NXPE2: variants seen among roughly 807,000 people sequenced by gnomAD.
NXPE2 encodes the protein NXPE family member 2.
In NXPE2, 34 loss-of-function variants were observed where a neutral mutation model predicts 34.4. The ratio of observed to expected loss-of-function variants is 0.99; its 90% CI spans 0.75 to 1.31. NXPE2 has a LOEUF of 1.31. NXPE2 is among the 40% of genes most tolerant of loss of function. NXPE2 has a pLI of 0.00. For synonymous variants in NXPE2, 235 were observed against 231.3 expected (o/e 1.02, Z -0.15); for missense variants, 649 against 672.5 (o/e 0.97, Z 0.39).
In NXPE2 at chr11:114,694,026, T is replaced by G. The variant is rs374290111; in HGVS notation, c.133-4019T>G. 2.2e-4 allele frequency among the ~76,000 whole-genome samples: 33 copies of G among 152,334 alleles called. 1 individual carries two copies. In the East Asian group the frequency reaches 2.7e-3, roughly 12 times the overall value. The stretch of plus-strand genomic sequence containing the variant: ...GAGGAGAATATGTTCCCTGGCCTTT[T>G]GAAGAGAGACTCTGTTTTCCTTGGC... On this transcript the variant is annotated intron_variant, in intron 2 of 5. Transcript: ENST00000389586.
intron 5 of NXPE2, 142 bp from the exon 6 acceptor site, chr11:114,706,253 A>C: frequency 1.6e-6 from 1 of 627,234 alleles, no homozygotes; most frequent in Non-Finnish European, 2.5e-6. Context: ...ATTGTAATGC[A>C]CCTGGTAAAA....
chr11:114,613,419 G>A, the NXPE2 span, among the ~76,000 whole-genome samples: 2,856 of 151,746 alleles, frequency 0.019, 87 homozygotes, highest in African/African-American at 0.065. Flanking sequence ...CTGTTACCTG[G>A]TGGATAATAA....
chr11:114,755,037 T>C, the NXPE2 span, among the ~76,000 whole-genome samples: 2 of 152,198 alleles, frequency 1.3e-5, no homozygotes, highest in Non-Finnish European at 2.9e-5. Flanking sequence ...GTGGAGGTCA[T>C]TGATGTTTCA....
downstream of NXPE2, among the ~76,000 whole-genome samples, chr11:114,710,561 A>G (rs1246046561): frequency 6.6e-6 from 1 of 152,176 alleles, no homozygotes; most frequent in East Asian, 1.9e-4. Flanking sequence ...AAGAAATTTG[A>G]ACAGACCTAT....
chr11:114,779,979 A>G, the NXPE2 span, among the ~76,000 whole-genome samples: 7 of 152,098 alleles, frequency 4.6e-5, no homozygotes, highest in Non-Finnish European at 1.0e-4. Flanking sequence ...TTATCTGTGA[A>G]TCTCACCGCG....
At chr11:114,724,582 A>G in the NXPE2 span, among the ~76,000 whole-genome samples, 8 of 152,078 alleles carry the variant, frequency 5.3e-5, no homozygotes, top group Non-Finnish European at 1.5e-5. Flanking sequence ...CTAAGTGAAG[A>G]TAGTTTTTGC....
At chr11:114,786,355 A>G in the NXPE2 span, among the ~76,000 whole-genome samples, 19 of 127,220 alleles carry the variant, frequency 1.5e-4, no homozygotes, top group Admixed American at 4.2e-4. Flanking sequence ...AGATCTTTCT[A>G]CCCCCGCCCC....
the NXPE2 span, among the ~76,000 whole-genome samples, chr11:114,567,025 G>T: frequency 6.6e-6 from 1 of 152,160 alleles, no homozygotes; most frequent in Admixed American, 6.6e-5. Flanking sequence ...GGCTTGGGAG[G>T]GGCATTGCAG....
At chr11:114,811,530 T>C in the NXPE2 span, among the ~76,000 whole-genome samples, 1 of 152,062 alleles carries the variant, frequency 6.6e-6, no homozygotes, top group Admixed American at 6.6e-5. Flanking sequence ...AATCCAAGCA[T>C]GCAAAATAGA....
At chr11:114,813,536 T>C in the NXPE2 span, among the ~76,000 whole-genome samples, 19 of 152,194 alleles carry the variant, frequency 1.2e-4, no homozygotes, top group African/African-American at 4.3e-4. Context: ...TGCATGTTCA[T>C]TTATGTGCAT....
the NXPE2 span, among the ~76,000 whole-genome samples, chr11:114,629,713 A>G: frequency 6.6e-6 from 1 of 151,916 alleles, no homozygotes; most frequent in Non-Finnish European, 1.5e-5. Flanking sequence ...TTCAATTAGG[A>G]AAAGAGGAAG....
chr11:114,465,706 A>T, the NXPE2 span, among the ~76,000 whole-genome samples: 2 of 151,986 alleles, frequency 1.3e-5, no homozygotes, highest in Non-Finnish European at 2.9e-5. Context: ...ATACAATAAC[A>T]TAGTCCCAGC....
the NXPE2 span, among the ~76,000 whole-genome samples, chr11:114,597,281 C>G: frequency 6.6e-6 from 1 of 152,094 alleles, no homozygotes; most frequent in Non-Finnish European, 1.5e-5. Flanking sequence ...AGAAGTGGAA[C>G]ATAGCAAACT....
chr11:114,704,057 G>A lies in NXPE2; in HGVS notation c.928+5G>A. The A allele has an allele frequency of 1.3e-6, 2 of 1,546,318 alleles. No homozygotes were observed. Among genetic ancestry groups the A allele is most frequent in the Non-Finnish European group, 1.8e-6 (2 of 1,141,720 alleles). ...TTGAGGTCATACCATGCAACAGTAA[G>A]TCTGGAGTGTTGTTGTCTGCCATGA... On this transcript the variant is annotated splice_donor_5th_base_variant and intron_variant, in intron 4 of 5. Coordinates refer to ENST00000389586, the MANE Select transcript of NXPE2 (RefSeq NM_182495.6).
chr11:114,493,647 GTTT>G, the NXPE2 span, among the ~76,000 whole-genome samples: 1 of 151,652 alleles, frequency 6.6e-6, no homozygotes, highest in Non-Finnish European at 1.5e-5. Context: ...TTAACTTTTT[GTTT>G]TTATTTATAC....
the NXPE2 span, among the ~76,000 whole-genome samples, chr11:114,783,832 C>A: frequency 6.6e-6 from 1 of 152,102 alleles, no homozygotes; most frequent in Non-Finnish European, 1.5e-5. Flanking sequence ...GTTGCTCAAC[C>A]AAGTGATTCT....
chr11:114,780,868 A>T, the NXPE2 span, among the ~76,000 whole-genome samples: 1 of 152,172 alleles, frequency 6.6e-6, no homozygotes, highest in Non-Finnish European at 1.5e-5. Context: ...TGGGTACTTT[A>T]GGAAGGTATT....
chr11:114,759,239 G>A, the NXPE2 span, among the ~76,000 whole-genome samples: 1 of 152,126 alleles, frequency 6.6e-6, no homozygotes, highest in South Asian at 2.1e-4. Flanking sequence ...GGAGGTCCTC[G>A]GAGCCTCCTT....
chr11:114,605,396 T>G, the NXPE2 span, among the ~76,000 whole-genome samples: 1 of 151,936 alleles, frequency 6.6e-6, no homozygotes, highest in Non-Finnish European at 1.5e-5. Context: ...GGGTAACCAC[T>G]GTTACCTGGT....
Sources: allele counts gnomAD v4.1 joint callset (sites outside exome capture counted in the v4.1 genomes callset), GRCh38; gene constraint gnomAD v4.1.1; transcripts MANE v1.5; gene names NCBI Gene and HGNC (gene_info 2026-07-23, HGNC 2026-07-21).